The following RANBP2 variants were observed in gnomAD, a reference collection of about 807,000 sequenced individuals.
RANBP2 encodes E3 SUMO-protein ligase RanBP2.
A neutral mutation model predicts 303.6 loss-of-function variants in RANBP2; 57 were observed. The observed-to-expected ratio is 0.19, with a 90% CI of 0.15 to 0.23. The LOEUF is 0.23. Among genes scored for constraint, RANBP2 ranks in the 10% least tolerant of loss-of-function variants. RANBP2 has a pLI of 1.00. For synonymous variants in RANBP2, 1,167 were observed against 1,301.5 expected (o/e 0.90, Z 2.23); for missense variants, 3,138 against 3,780.8 (o/e 0.83, Z 4.46).
the RANBP2 span, among the ~76,000 whole-genome samples, chr2:109,485,593 A>G: frequency 1.3e-5 from 2 of 152,246 alleles, no homozygotes; most frequent in African/African-American, 4.8e-5. Flanking sequence ...AATGTTTTAT[A>G]GTTTTCCTGT....
chr2:109,383,688 C>T, the RANBP2 span, among the ~76,000 whole-genome samples: 2 of 152,132 alleles, frequency 1.3e-5, no homozygotes, highest in African/African-American at 4.8e-5. Flanking sequence ...AGCTTCATTT[C>T]GTTGCTGCTC....
At chr2:109,321,258 T>C in the RANBP2 span, among the ~76,000 whole-genome samples, 1 of 152,228 alleles carries the variant, frequency 6.6e-6, no homozygotes, top group East Asian at 1.9e-4. Flanking sequence ...ATTAGGCTGT[T>C]CTCATTAAAA....
At chr2:109,068,988 C>A in the RANBP2 span, among the ~76,000 whole-genome samples, 1 of 152,192 alleles carries the variant, frequency 6.6e-6, no homozygotes, top group Non-Finnish European at 1.5e-5. Flanking sequence ...GTTTCCATTT[C>A]TGCCCATATG....
At chr2:109,405,720 C>G in the RANBP2 span, among the ~76,000 whole-genome samples, 77 of 152,354 alleles carry the variant, frequency 5.1e-4, 1 homozygote, top group African/African-American at 1.8e-3. Flanking sequence ...CTTTCCACCA[C>G]CAAATCAATT....
At chr2:109,079,480 G>C in the RANBP2 span, among the ~76,000 whole-genome samples, 1 of 152,152 alleles carries the variant, frequency 6.6e-6, no homozygotes, top group Non-Finnish European at 1.5e-5. Context: ...CGTTGTTAAA[G>C]AGTCAACTGT....
chr2:109,387,387 A>G, the RANBP2 span, among the ~76,000 whole-genome samples: 1 of 152,162 alleles, frequency 6.6e-6, no homozygotes, highest in African/African-American at 2.4e-5. Context: ...GGGGCCCAGA[A>G]GCTTCAGCAC....
the RANBP2 span, among the ~76,000 whole-genome samples, chr2:109,167,696 C>A: frequency 5.8e-4 from 88 of 152,276 alleles, 1 homozygote; most frequent in African/African-American, 2.0e-3. Context: ...TTCAGCCTCC[C>A]GAGTAGCTGG....
At chr2:109,282,046 G>T in the RANBP2 span, among the ~76,000 whole-genome samples, 4 of 152,176 alleles carry the variant, frequency 2.6e-5, no homozygotes, top group African/African-American at 9.6e-5. Context: ...GTGTCAGAGG[G>T]GATGCTGGTG....
the RANBP2 span, chr2:109,613,566 C>T: frequency 3.9e-6 from 1 of 255,456 alleles, no homozygotes; most frequent in African/African-American, 2.3e-5. Flanking sequence ...CGTCCCGACG[C>T]TGGCGCCGCG....
the RANBP2 span, among the ~76,000 whole-genome samples, chr2:108,848,071 A>G: frequency 6.6e-6 from 1 of 152,230 alleles, no homozygotes; most frequent in African/African-American, 2.4e-5. Context: ...ATAGCCACAC[A>G]TTAAAGCATA....
At chr2:109,733,948 G>A in the RANBP2 span, among the ~76,000 whole-genome samples, 15 of 151,894 alleles carry the variant, frequency 9.9e-5, no homozygotes, top group East Asian at 3.9e-4. Context: ...GACGTGGGCC[G>A]CGGGCGGATC....
the RANBP2 span, among the ~76,000 whole-genome samples, chr2:109,325,774 G>A: frequency 6.6e-6 from 1 of 152,178 alleles, no homozygotes; most frequent in Admixed American, 6.5e-5. Flanking sequence ...GTGTGTAGGG[G>A]TTCAGGTGCC....
rs1023621363 is a variant in RANBP2 at position 108,783,920 on chromosome 2, A to G, written c.*19A>G. ...GATATAAAATCATTGTTGTTCATAG[A>G]AAATTTCATCTGTATAAGCAGTTGG... On this transcript the variant is annotated 3_prime_UTR_variant, in exon 29 of 29. Transcript: ENST00000283195. 1 of 1,591,826 alleles carries G rather than the reference A, an allele frequency of 6.3e-7. No individual in the cohort carries two copies. The highest frequency in any genetic ancestry group is 1.3e-5 in the African/African-American group (1 of 74,462).
the RANBP2 span, among the ~76,000 whole-genome samples, chr2:109,230,004 T>G: frequency 3.3e-5 from 5 of 151,838 alleles, no homozygotes; most frequent in African/African-American, 9.7e-5. Flanking sequence ...TTTTGTATAT[T>G]TAGTAGAGAC....
chr2:109,304,822 A>C, the RANBP2 span, among the ~76,000 whole-genome samples: 103 of 152,160 alleles, frequency 6.8e-4, 2 homozygotes, highest in East Asian at 0.019. Context: ...GCTAGATTAG[A>C]CCTCGTGAGA....
the RANBP2 span, among the ~76,000 whole-genome samples, chr2:109,538,123 C>T: frequency 6.6e-6 from 1 of 152,218 alleles, no homozygotes; most frequent in Non-Finnish European, 1.5e-5. Context: ...CCTCCCAGCT[C>T]CAGAGGCCAC....
chr2:108,934,350 C>T, the RANBP2 span, among the ~76,000 whole-genome samples: 2 of 152,224 alleles, frequency 1.3e-5, no homozygotes, highest in East Asian at 1.9e-4. Flanking sequence ...GGCTCCCAGT[C>T]GTGATCTCCT....
At chr2:108,836,711 A>G in the RANBP2 span, among the ~76,000 whole-genome samples, 1 of 152,024 alleles carries the variant, frequency 6.6e-6, no homozygotes, top group Non-Finnish European at 1.5e-5. Context: ...ATTTCATTCT[A>G]TTTATTTGTG....
the RANBP2 span, among the ~76,000 whole-genome samples, chr2:109,719,785 G>A: frequency 2.0e-5 from 3 of 152,278 alleles, no homozygotes; most frequent in South Asian, 6.2e-4. Context: ...TCAACAAGGG[G>A]TCTGCTTAGA....
Sources: gnomAD v4.1 joint callset for allele counts (sites outside exome capture counted in the v4.1 genomes callset) on GRCh38, gnomAD v4.1.1 for gene constraint, MANE v1.5 for transcripts, NCBI Gene and HGNC (gene_info 2026-07-23, HGNC 2026-07-21) for gene names.